GRM7: variants seen among roughly 807,000 people sequenced by gnomAD.
GRM7 encodes metabotropic glutamate receptor 7.
GRM7 carries 35 observed loss-of-function variants against 84.5 expected under a neutral mutation model. That is an observed-to-expected ratio of 0.41 (90% confidence interval 0.32 to 0.55). GRM7 has a LOEUF of 0.55. Among genes scored for constraint, GRM7 ranks in the 20% least tolerant of loss-of-function variants. The probability of loss-of-function intolerance (pLI) is 0.19; values close to 1 mark genes in which losing one functional copy is unlikely to be tolerated. For missense variants in GRM7, 1,003 were observed against 1,194.6 expected (o/e 0.84, Z 2.36); for synonymous variants, 487 against 455.1 (o/e 1.07, Z -0.89).
chr3:7,047,339 G>T (rs1033718430), intron 1 of GRM7, among the ~76,000 whole-genome samples: 1 of 151,982 alleles, frequency 6.6e-6, no homozygotes, highest in African/African-American at 2.4e-5. Context: ...TACTAGACTA[G>T]AATTGTTGTT....
intron 4 of GRM7, among the ~76,000 whole-genome samples, chr3:7,413,231 A>G (rs1176850430): frequency 6.6e-6 from 1 of 152,202 alleles, no homozygotes; most frequent in Non-Finnish European, 1.5e-5. Context: ...CTCCATAGCC[A>G]TTAATAAAGA....
intron 1 of GRM7, among the ~76,000 whole-genome samples, chr3:7,136,586 G>A (rs1387995094): frequency 1.3e-5 from 2 of 152,048 alleles, no homozygotes; most frequent in Admixed American, 6.6e-5. Flanking sequence ...TTGCCCTGGA[G>A]CCTAAAGCAG....
At chr3:7,132,249 T>G (rs1046970229) in intron 1 of GRM7, among the ~76,000 whole-genome samples, 2 of 152,162 alleles carry the variant, frequency 1.3e-5, no homozygotes, top group African/African-American at 4.8e-5. Context: ...GGGAAGGGAT[T>G]ATGGGTCAAA....
chr3:7,115,369 G>A (rs1024666061), intron 1 of GRM7, among the ~76,000 whole-genome samples: 2 of 152,078 alleles, frequency 1.3e-5, no homozygotes, highest in Non-Finnish European at 2.9e-5. Flanking sequence ...AATAACATAT[G>A]TCAAGCACCT....
At chr3:7,326,721 C>A (rs536425783) in intron 4 of GRM7, among the ~76,000 whole-genome samples, 11 of 151,440 alleles carry the variant, frequency 7.3e-5, no homozygotes, top group Middle Eastern at 3.4e-3. Flanking sequence ...GTGGCACAAG[C>A]AACTCAGGAG....
chr3:7,178,145 T>C (rs1280630080), intron 2 of GRM7, among the ~76,000 whole-genome samples: 1 of 152,226 alleles, frequency 6.6e-6, no homozygotes, highest in East Asian at 1.9e-4. Flanking sequence ...CTGTGTTTTA[T>C]TAAAGCCAAA....
At chr3:7,492,119 C>A (rs538950217) in intron 7 of GRM7, among the ~76,000 whole-genome samples, 1 of 152,168 alleles carries the variant, frequency 6.6e-6, no homozygotes, top group Admixed American at 6.5e-5. Context: ...TACAAATATG[C>A]GCTGAGGATT....
intron 1 of GRM7, among the ~76,000 whole-genome samples, chr3:7,003,525 A>G (rs973399003): frequency 1.3e-5 from 2 of 152,180 alleles, no homozygotes; most frequent in South Asian, 2.1e-4. Flanking sequence ...ACTTGATGAG[A>G]TGATGAGATG....
At chr3:7,107,702 G>A (rs1472210243) in intron 1 of GRM7, among the ~76,000 whole-genome samples, 1 of 152,040 alleles carries the variant, frequency 6.6e-6, no homozygotes, top group Non-Finnish European at 1.5e-5. Flanking sequence ...AAAATAGATT[G>A]GCAGGAGGTG....
chr3:7,661,638 C>CA (rs1322747962), intron 8 of GRM7, among the ~76,000 whole-genome samples: 7 of 151,288 alleles, frequency 4.6e-5, no homozygotes, highest in Non-Finnish European at 8.8e-5. Flanking sequence ...ACTAAAAATA[C>CA]AAAAAATTAG....
Position 7,218,325 on chromosome 3 carries a change from C to T in GRM7, c.736+71657C>T, listed in dbSNP as rs140968967. 1.9e-3 allele frequency among the ~76,000 whole-genome samples: 294 copies of T among 152,052 alleles called. 2 individuals carry two copies. Among genetic ancestry groups the T allele is most frequent in the South Asian group, 3.7e-3 (18 of 4,804 alleles). On this transcript the variant is annotated intron_variant, in intron 2 of 9. Transcript: ENST00000357716. ...TGAAAACCTGTTTGGCAATAAAGGG[C>T]GTTGCCTTAATTTATAGTACCTTTA...
At chr3:7,194,095 C>T (rs1347780406) in intron 2 of GRM7, among the ~76,000 whole-genome samples, 3 of 152,070 alleles carry the variant, frequency 2.0e-5, no homozygotes, top group Non-Finnish European at 4.4e-5. Flanking sequence ...AATATTTTAT[C>T]TCCATTAATT....
chr3:7,097,977 T>C (rs1698916302), intron 1 of GRM7, among the ~76,000 whole-genome samples: 2 of 152,112 alleles, frequency 1.3e-5, no homozygotes, highest in African/African-American at 4.8e-5. Flanking sequence ...TCAGCTATTA[T>C]ATCCTGATGA....
chr3:7,230,131 G>A lies in GRM7; in HGVS notation c.737-68553G>A, dbSNP rs185729699. Among the ~76,000 whole-genome samples, 35 of 151,944 alleles carry A rather than the reference G, an allele frequency of 2.3e-4. No individual in the cohort carries two copies. In the East Asian group the frequency reaches 5.7e-3, roughly 25 times the overall value. On this transcript the variant is annotated intron_variant, in intron 2 of 9. Coordinates refer to ENST00000357716, the MANE Select transcript of GRM7 (RefSeq NM_000844.4). ...TGGGATTGCCGGCATGAGCCACCGC[G>A]CCTGGCCTCTTCCATCTTCCAGTTG...
At chr3:7,321,539 G>C (rs1325312199) in intron 4 of GRM7, among the ~76,000 whole-genome samples, 1 of 151,758 alleles carries the variant, frequency 6.6e-6, no homozygotes, top group Non-Finnish European at 1.5e-5. Flanking sequence ...ACAAACCACA[G>C]TAGAACAAAA....
At chr3:7,545,078 A>T (rs78764914) in intron 7 of GRM7, among the ~76,000 whole-genome samples, 12,617 of 152,266 alleles carry the variant, frequency 0.083, 649 homozygotes, top group South Asian at 0.11. Context: ...TGAGTGAATC[A>T]ATTGATGGAT....
At chr3:7,324,370 G>A (rs62237081) in intron 4 of GRM7, among the ~76,000 whole-genome samples, 63,255 of 151,944 alleles carry the variant, frequency 0.42, 13,235 homozygotes, top group Middle Eastern at 0.49. Flanking sequence ...CCTACCTCAC[G>A]GGGAACTTCA....
chr3:7,054,392 T>G (rs1451027224), intron 1 of GRM7, among the ~76,000 whole-genome samples: 1 of 150,360 alleles, frequency 6.7e-6, no homozygotes, highest in Non-Finnish European at 1.5e-5. Context: ...ATGATATATA[T>G]ATCATAAAAG....
intron 1 of GRM7, among the ~76,000 whole-genome samples, chr3:7,103,074 T>G (rs1699168383): frequency 6.6e-6 from 1 of 151,898 alleles, no homozygotes; most frequent in Non-Finnish European, 1.5e-5. Context: ...CTTTCCCTCT[T>G]GATAATGTAA....
Sources: allele counts gnomAD v4.1 joint callset (sites outside exome capture counted in the v4.1 genomes callset), GRCh38; gene constraint gnomAD v4.1.1; transcripts MANE v1.5; gene names NCBI Gene and HGNC (gene_info 2026-07-23, HGNC 2026-07-21).